PDE8B: variants seen among roughly 807,000 people sequenced by gnomAD.
PDE8B encodes phosphodiesterase 8B.
Under a neutral mutation model 101.3 loss-of-function variants are expected in PDE8B, and 26 were observed. That is an observed-to-expected ratio of 0.26 (90% CI 0.19 to 0.36). The LOEUF is 0.36. PDE8B is among the 10% of genes least tolerant of loss of function. The pLI is 1.00. For missense variants in PDE8B, 810 were observed against 1,163.1 expected (o/e 0.70, Z 4.42); for synonymous variants, 424 against 429.3 (o/e 0.99, Z 0.15).
At chr5:77,177,104 C>G in the PDE8B span, among the ~76,000 whole-genome samples, 1 of 151,974 alleles carries the variant, frequency 6.6e-6, no homozygotes, top group Admixed American at 6.6e-5. Context: ...TCTTCTACCA[C>G]TCCACAGTCT....
chr5:77,405,420 G>A (rs1201662793), intron 12 of PDE8B, among the ~76,000 whole-genome samples: 1 of 152,210 alleles, frequency 6.6e-6, no homozygotes, highest in Admixed American at 6.5e-5. Flanking sequence ...GGTTTTGCTA[G>A]GTTGGGGGTT....
intron 1 of PDE8B, chr5:77,291,666 G>A: frequency 1.3e-6 from 2 of 1,596,088 alleles, no homozygotes; most frequent in African/African-American, 1.3e-5. Flanking sequence ...GATTGGAGGT[G>A]CCTTTGGAGG....
intron 3 of PDE8B, among the ~76,000 whole-genome samples, chr5:77,326,909 T>C (rs1776156565): frequency 6.6e-6 from 1 of 152,240 alleles, no homozygotes; most frequent in Admixed American, 6.5e-5. Context: ...GGAAGAAATC[T>C]TTTAATTCAG....
rs182775622 is a variant in PDE8B at position 77,408,943 on chromosome 5, G to A, written c.1416G>A (p.Ala472=). The A allele has an allele frequency of 1.2e-4, 193 of 1,613,292 alleles. No individual in the cohort carries two copies. Among genetic ancestry groups the A allele is most frequent in the Middle Eastern group, 1.6e-4 (1 of 6,062 alleles). The change falls in exon 14 of 22, where the codon GCG becomes GCA. Residue 472 remains alanine, a synonymous_variant. Coordinates refer to ENST00000264917, the MANE Select transcript of PDE8B (RefSeq NM_003719.5). ...AAQENSPVTV[A]EALDRVLEIL... ...AAGAAAACAGCCCAGTCACAGTAGC[G>A]GAAGCCTTGGACAGAGTTCTAGAGA...
chr5:77,398,317 AC>A (rs1791506916), intron 10 of PDE8B, among the ~76,000 whole-genome samples: 4 of 105,158 alleles, frequency 3.8e-5, no homozygotes, highest in African/African-American at 1.1e-4. Flanking sequence ...AAGCTGTTTT[AC>A]TTTTTTTTTT....
intron 1 of PDE8B, among the ~76,000 whole-genome samples, chr5:77,254,045 G>A (rs1580600325): frequency 6.6e-6 from 1 of 152,006 alleles, no homozygotes; most frequent in Admixed American, 6.6e-5. Flanking sequence ...TTGGGACTTT[G>A]TGTGGAACTA....
At chr5:77,265,698 G>C (rs544737798) in intron 1 of PDE8B, among the ~76,000 whole-genome samples, 15 of 152,190 alleles carry the variant, frequency 9.9e-5, no homozygotes, top group South Asian at 6.2e-4. Flanking sequence ...GACCATCTGG[G>C]GTTATCCTAT....
chr5:77,403,656 TAAA>T (rs1458850913), intron 11 of PDE8B, among the ~76,000 whole-genome samples: 1 of 152,118 alleles, frequency 6.6e-6, no homozygotes, highest in Non-Finnish European at 1.5e-5. Context: ...CTAAGGAAGA[TAAA>T]AATTAGGAAA....
intron 1 of PDE8B, among the ~76,000 whole-genome samples, chr5:77,262,645 ATCTTTCTTG>A (rs1307102586): frequency 1.3e-5 from 2 of 152,200 alleles, no homozygotes; most frequent in African/African-American, 4.8e-5. Context: ...CACCTTGATT[ATCTTTCTTG>A]TTGCATACCG....
At chr5:77,234,061 C>T (rs1754189716) in intron 1 of PDE8B, among the ~76,000 whole-genome samples, 1 of 152,140 alleles carries the variant, frequency 6.6e-6, no homozygotes, top group Non-Finnish European at 1.5e-5. Flanking sequence ...AGCTTGCAAC[C>T]TGTCCAGAGC....
chr5:77,224,924 A>G (rs1751987906), intron 1 of PDE8B, among the ~76,000 whole-genome samples: 1 of 152,116 alleles, frequency 6.6e-6, no homozygotes, highest in African/African-American at 2.4e-5. Flanking sequence ...GTATGTTGGT[A>G]GTTAGATCTA....
chr5:77,424,826 G>GTTTT (rs36120983), intron 20 of PDE8B, among the ~76,000 whole-genome samples: 1 of 147,240 alleles, frequency 6.8e-6, no homozygotes, highest in Non-Finnish European at 1.5e-5. Flanking sequence ...TTTGTTTTTT[G>GTTTT]TTTTTTGTTT....
rs1197580484 is a variant in PDE8B at position 77,211,228 on chromosome 5, C to T, written c.303C>T (p.Ala101=). The T allele has an allele frequency of 9.5e-6, 15 of 1,573,760 alleles. No homozygotes were observed. The highest frequency in any genetic ancestry group is 4.1e-5 in the African/African-American group (3 of 73,938). ...RGRRRHCCSS[A]EAETQTCYTS... ...GGAGGCGCCACTGCTGCAGCAGCGCCGAGGCCGAGACTCAGACCTGCTACA... is the reference window on the plus strand; with the variant it reads ...GGAGGCGCCACTGCTGCAGCAGCGCTGAGGCCGAGACTCAGACCTGCTACA... Residue 101 remains alanine, a synonymous_variant, in exon 1 of 22, where the codon GCC becomes GCT. Transcript: ENST00000264917. The surrounding 1 kb of genome is among the most constrained non-coding windows in gnomAD (Gnocchi z 4.1).
the PDE8B span, among the ~76,000 whole-genome samples, chr5:77,122,477 C>T: frequency 6.6e-6 from 1 of 152,312 alleles, no homozygotes; most frequent in East Asian, 1.9e-4. Context: ...CATTCACCCA[C>T]CTGAAAGTGG....
the PDE8B span, among the ~76,000 whole-genome samples, chr5:77,170,512 A>C: frequency 1.3e-5 from 2 of 152,212 alleles, no homozygotes; most frequent in South Asian, 4.1e-4. Flanking sequence ...ATCTGAGCCA[A>C]GCCTGGAAAG....
intron 1 of PDE8B, among the ~76,000 whole-genome samples, chr5:77,284,494 T>C (rs1295916945): frequency 6.6e-6 from 1 of 152,210 alleles, no homozygotes; most frequent in Non-Finnish European, 1.5e-5. Flanking sequence ...ATAAACTTTT[T>C]GATTGAAGAA....
intron 20 of PDE8B, among the ~76,000 whole-genome samples, chr5:77,425,447 G>A (rs1797839217): frequency 6.6e-6 from 1 of 152,192 alleles, no homozygotes; most frequent in East Asian, 1.9e-4. Context: ...CAGCTACTCA[G>A]GAGGCTGAGG....
chr5:77,232,977 G>A (rs1753880583), intron 1 of PDE8B, among the ~76,000 whole-genome samples: 2 of 152,208 alleles, frequency 1.3e-5, no homozygotes, highest in Admixed American at 1.3e-4. Flanking sequence ...CAGGAGTATT[G>A]TGTGATTCAT....
At chr5:77,339,587 G>A (rs976843796) in intron 6 of PDE8B, among the ~76,000 whole-genome samples, 5 of 152,066 alleles carry the variant, frequency 3.3e-5, no homozygotes, top group Non-Finnish European at 7.4e-5. Context: ...ACATATACCT[G>A]CACCCCAAGG....
Sources: allele counts gnomAD v4.1 joint callset (sites outside exome capture counted in the v4.1 genomes callset), GRCh38; gene constraint gnomAD v4.1.1; non-coding constraint Gnocchi (gnomAD v3.1); transcripts MANE v1.5; gene names NCBI Gene and HGNC (gene_info 2026-07-23, HGNC 2026-07-21).